DLGAP3: variants seen among roughly 807,000 people sequenced by gnomAD.
DLGAP3 encodes the protein disks large-associated protein 3.
Under a neutral mutation model 81.2 loss-of-function variants are expected in DLGAP3, and 17 were observed. The ratio of observed to expected loss-of-function variants is 0.21; its 90% CI spans 0.14 to 0.31. The LOEUF (loss-of-function observed/expected upper bound fraction) is 0.31. Ranked by LOEUF, DLGAP3 falls within the 10% of genes least tolerant of loss-of-function variation. DLGAP3 has a pLI of 1.00. For missense variants in DLGAP3, 1,124 were observed against 1,388.0 expected, an observed-to-expected ratio of 0.81 and a Z score of 3.02; for synonymous variants, 577 against 587.4, an observed-to-expected ratio of 0.98 and a Z score of 0.26.
intron 5 of DLGAP3, among the ~76,000 whole-genome samples, chr1:34,889,685 G>A (rs1213925160): frequency 1.3e-5 from 2 of 152,222 alleles, no homozygotes; most frequent in Non-Finnish European, 2.9e-5. Context: ...GTGTTATTTA[G>A]TTTAGATAAC....
In DLGAP3 at chr1:34,905,361, C is replaced by G. The variant is rs777705397; in HGVS notation, c.23G>C (p.Arg8Pro). MRGYHGD[R>P]GSHPRPARFA... ...GCGGGCTGGGCGGGGATGGCTGCCT[C>G]GGTCGCCATGGTAACCCCTCATGGC... The change falls in exon 3 of 12, where the codon CGA (arginine) becomes CCA (proline). Residue 8 changes from arginine (R) to proline (P), a missense_variant. Arg to Pro is a moderately radical substitution (Grantham distance 103). Transcript: ENST00000373347. 1 of 1,555,250 alleles carries G rather than the reference C, an allele frequency of 6.4e-7. No homozygotes were observed. The highest frequency in any genetic ancestry group is 1.2e-5 in the South Asian group (1 of 84,380).
chr1:34,917,311 C>T lies in DLGAP3; in HGVS notation c.-134-9874G>A, dbSNP rs116940666. ...ACTTGTTCCTATGAGGGTTCATACACCTCATGTGCATTTCCATCCGATAGA... is the reference window on the plus strand; with the variant it reads ...ACTTGTTCCTATGAGGGTTCATACATCTCATGTGCATTTCCATCCGATAGA... On this transcript the variant is annotated intron_variant, in intron 1 of 11. Transcript: ENST00000373347. 7.9e-5 allele frequency among the ~76,000 whole-genome samples: 12 copies of T among 152,098 alleles called. No homozygotes were observed. In the East Asian group the frequency reaches 1.9e-3, roughly 25 times the overall value.
At chr1:34,914,185 G>C (rs1569659637) in intron 1 of DLGAP3, among the ~76,000 whole-genome samples, 2 of 152,256 alleles carry the variant, frequency 1.3e-5, no homozygotes, top group Non-Finnish European at 2.9e-5. Flanking sequence ...ATTGGAGGAG[G>C]TTCCTCCTCC....
intron 3 of DLGAP3, among the ~76,000 whole-genome samples, chr1:34,901,096 T>C (rs914434631): frequency 2.2e-4 from 33 of 152,032 alleles, no homozygotes; most frequent in Admixed American, 2.2e-3. Flanking sequence ...ACCTTGAGCT[T>C]GGCATAGAAC....
In DLGAP3 at chr1:34,926,404, C is replaced by G. The variant is rs1639872855; in HGVS notation, c.-135+3047G>C. 2.0e-5 allele frequency among the ~76,000 whole-genome samples: 3 copies of G among 152,346 alleles called. No individual in the cohort carries two copies. In the South Asian group the frequency reaches 6.2e-4, roughly 32 times the overall value. ...TCACCCCAGCTCAAACCCAGACTCC[C>G]CAGACGGCAGGAGGCCCGCTGAGCC... On this transcript the variant is annotated intron_variant, in intron 1 of 11. Transcript: ENST00000373347.
chr1:34,899,935 A>G (rs567806254), intron 4 of DLGAP3, 133 bp downstream of exon 4: 1 of 915,622 alleles, frequency 1.1e-6, no homozygotes, highest in South Asian at 1.4e-5. Flanking sequence ...CTCCCTTTAC[A>G]TGGAGTGGAG....
At chr1:34,889,659 C>A (rs921350231) in intron 5 of DLGAP3, among the ~76,000 whole-genome samples, 1 of 152,200 alleles carries the variant, frequency 6.6e-6, no homozygotes, top group African/African-American at 2.4e-5. Context: ...CAGGCAACAT[C>A]GTGTATACTT....
At chr1:34,912,538 A>G (rs1256266294) in intron 1 of DLGAP3, among the ~76,000 whole-genome samples, 1 of 152,208 alleles carries the variant, frequency 6.6e-6, no homozygotes, top group Non-Finnish European at 1.5e-5. Flanking sequence ...TCCCTTGTGA[A>G]GGTCAGCCCT....
chr1:34,926,044 A>C (rs557794014), intron 1 of DLGAP3, among the ~76,000 whole-genome samples: 1 of 152,240 alleles, frequency 6.6e-6, no homozygotes, highest in African/African-American at 2.4e-5. Context: ...ACACATGAAC[A>C]TGTCAGCTAG....
chr1:34,923,556 C>T (rs547199619), intron 1 of DLGAP3, among the ~76,000 whole-genome samples: 1 of 152,088 alleles, frequency 6.6e-6, no homozygotes, highest in Non-Finnish European at 1.5e-5. Context: ...GGACATCTAG[C>T]ATTTCATGTG....
chr1:34,866,278 C>A lies in DLGAP3; in HGVS notation c.2745G>T (p.Pro915=), dbSNP rs759540010. The A allele has an allele frequency of 1.3e-6, 2 of 1,537,654 alleles. No homozygotes were observed. Among genetic ancestry groups the A allele is most frequent in the African/African-American group, 1.4e-5 (1 of 72,712 alleles). Residue 915 remains proline, a synonymous_variant, in exon 12 of 12, where the codon CCG becomes CCT. Transcript: ENST00000373347. The stretch of plus-strand genomic sequence containing the variant: ...GGCCCCGCAGGGGCTTCTTTGGTAT[C>A]GGCGGAGGGACCTTCTTCTCCTCCT... ...EPKEEKKVPP[P]IPKKPLRGRG...
chr1:34,880,398 C>T (rs1639127044), intron 8 of DLGAP3, among the ~76,000 whole-genome samples: 1 of 152,100 alleles, frequency 6.6e-6, no homozygotes, highest in Non-Finnish European at 1.5e-5. Context: ...GCAAGGCTGA[C>T]TCAAGAAAGA....
At chr1:34,925,634 G>A (rs1639861905) in intron 1 of DLGAP3, 1 of 152,316 alleles carries the variant, frequency 6.6e-6, no homozygotes, top group African/African-American at 2.4e-5. Flanking sequence ...GTCTACATCA[G>A]CCCTGCAGGC....
intron 1 of DLGAP3, among the ~76,000 whole-genome samples, chr1:34,913,378 C>T (rs979645947): frequency 1.3e-5 from 2 of 152,120 alleles, no homozygotes; most frequent in Admixed American, 1.3e-4. Flanking sequence ...AATCCCACCT[C>T]AGGGGGCTTT....
chr1:34,867,412 G>A lies in DLGAP3; in HGVS notation c.2577+124C>T. The A allele has an allele frequency of 9.4e-7, 1 of 1,062,466 alleles. No homozygotes were observed. The allele number at this position is 1,062,466 out of a possible 1,614,324, so 65.8% of individuals were successfully genotyped here. A position where few individuals can be genotyped will look rare whatever the true frequency, so the allele number is the denominator to read the frequency against. ...CACAAGACTCACAGCTACCCCAGAA[G>A]GCATGCAGGCCTGGTCTCACCTCTG... On this transcript the variant is annotated intron_variant, in intron 10 of 11. Transcript: ENST00000373347. This position sits in a 1 kb window ranked among gnomAD's most constrained non-coding sequence, Gnocchi z 4.3.
Position 34,895,286 on chromosome 1 carries a change from T to C in DLGAP3, c.1386+4383A>G, listed in dbSNP as rs987706559. Reference sequence around the variant, plus strand: ...CGGAGACTGAGGCAGAAGAATGGCGTGAACCCAGGAAGCGGAGCTTGCAGT... The same window carrying C: ...CGGAGACTGAGGCAGAAGAATGGCGCGAACCCAGGAAGCGGAGCTTGCAGT... On this transcript the variant is annotated intron_variant, in intron 5 of 11. Transcript: ENST00000373347. The surrounding 1 kb of genome is among the most constrained non-coding windows in gnomAD (Gnocchi z 4.5). Among the ~76,000 whole-genome samples the C allele has an allele frequency of 6.6e-6, 1 of 150,960 alleles. No homozygotes were observed. Among genetic ancestry groups the C allele is most frequent in the Non-Finnish European group, 1.5e-5 (1 of 67,864 alleles).
chr1:34,867,555 C>G lies in DLGAP3; in HGVS notation c.2558G>C (p.Arg853Pro). 6.2e-7 allele frequency: 1 copy of G among 1,613,916 alleles called. No homozygotes were observed. ...ACTCACCATGCTTTGCTGACACAGC[C>G]GGAAGAACTGCTGAACCTTCTGGGA... ...LLSQKVQQFF[R>P]LCQQSMDPTA... Residue 853 changes from arginine (R) to proline (P), a missense_variant, in exon 10 of 12, where the codon CGG (arginine) becomes CCG (proline). This residue lies in a region of DLGAP3 where 133 missense variants were observed against 171.1 expected (regional missense o/e 0.78). Coordinates refer to ENST00000373347, the MANE Select transcript of DLGAP3 (RefSeq NM_001080418.3). This position sits in a 1 kb window ranked among gnomAD's most constrained non-coding sequence, Gnocchi z 4.3.
At position 34,867,705 on chromosome 1, in the gene DLGAP3, C is replaced by A. The variant is rs537897051; in HGVS notation, c.2486-78G>T. The A allele has an allele frequency of 9.1e-6, 11 of 1,205,138 alleles. No individual in the cohort carries two copies. The highest frequency in any genetic ancestry group is 5.1e-5 in the Admixed American group (3 of 59,294). The allele number at this position is 1,205,138 out of a possible 1,614,324, so 74.7% of individuals were successfully genotyped here. ...CCTCCACGAAGTCTGCCCTGAATGA[C>A]GCTGACCCCTCGGTTGCTTGGCACT... On this transcript the variant is annotated intron_variant, in intron 9 of 11. Coordinates refer to ENST00000373347, the MANE Select transcript of DLGAP3 (RefSeq NM_001080418.3). The surrounding 1 kb of genome is among the most constrained non-coding windows in gnomAD (Gnocchi z 4.3).
Position 34,867,428 on chromosome 1 carries a change from C to A in DLGAP3, c.2577+108G>T. On this transcript the variant is annotated intron_variant, in intron 10 of 11. Transcript: ENST00000373347. This position sits in a 1 kb window ranked among gnomAD's most constrained non-coding sequence, Gnocchi z 4.3. ...ACCCCAGAAGGCATGCAGGCCTGGT[C>A]TCACCTCTGGTACACACTCACTCTG... is the stretch of plus-strand genomic sequence containing the variant. 8.9e-7 allele frequency: 1 copy of A among 1,118,610 alleles called. No individual in the cohort carries two copies. The highest frequency in any genetic ancestry group is 1.2e-5 in the South Asian group (1 of 80,844). The allele number at this position is 1,118,610 out of a possible 1,614,324, so 69.3% of individuals were successfully genotyped here. A position where few individuals can be genotyped will look rare whatever the true frequency, so the allele number is the denominator to read the frequency against.
Sources: gnomAD v4.1 joint callset for allele counts (sites outside exome capture counted in the v4.1 genomes callset) on GRCh38, gnomAD v4.1.1 for gene constraint, gnomAD v4.1.1 regional missense constraint, Gnocchi (gnomAD v3.1) non-coding constraint, MANE v1.5 for transcripts, NCBI Gene and HGNC (gene_info 2026-07-23, HGNC 2026-07-21) for gene names.